The following RPSA2 variants were observed in gnomAD, a reference collection of about 807,000 sequenced individuals.
RPSA2 encodes small ribosomal subunit protein uS2B.
the RPSA2 span, chr19:23,827,043 G>T: frequency 1.5e-6 from 1 of 684,376 alleles, no homozygotes. Flanking sequence ...AAAGATATTT[G>T]CATTGCTTTT....
chr19:23,803,095 A>AT, the RPSA2 span, among the ~76,000 whole-genome samples: 4 of 149,860 alleles, frequency 2.7e-5, no homozygotes, highest in African/African-American at 9.7e-5. Flanking sequence ...CTGAGATTTA[A>AT]TTTTTTTTTT....
At chr19:23,833,081 T>C in the RPSA2 span, 1 of 1,298,614 alleles carries the variant, frequency 7.7e-7, no homozygotes, top group East Asian at 4.1e-5. Flanking sequence ...GGCAAATCTT[T>C]TAACCTGTCT....
the RPSA2 span, among the ~76,000 whole-genome samples, chr19:23,856,844 G>T: frequency 0.097 from 14,728 of 152,096 alleles, 987 homozygotes; most frequent in South Asian, 0.2. Flanking sequence ...ACAGGGAGTA[G>T]GTCACAAAGA....
At chr19:23,767,436 G>T in the RPSA2 span, among the ~76,000 whole-genome samples, 1 of 152,168 alleles carries the variant, frequency 6.6e-6, no homozygotes, top group East Asian at 1.9e-4. Flanking sequence ...TCAAATGTTC[G>T]CATTGATGAG....
chr19:23,822,823 C>G, the RPSA2 span, among the ~76,000 whole-genome samples: 1 of 152,162 alleles, frequency 6.6e-6, no homozygotes, highest in Non-Finnish European at 1.5e-5. Flanking sequence ...GGGTTTCTAT[C>G]TCCTCCGGTG....
chr19:23,761,994 T>C, the RPSA2 span, among the ~76,000 whole-genome samples: 2 of 148,018 alleles, frequency 1.4e-5, no homozygotes, highest in Non-Finnish European at 3.0e-5. Context: ...TTGGGCTCAC[T>C]GCAACCTCTG....
At chr19:23,774,939 C>G in the RPSA2 span, among the ~76,000 whole-genome samples, 2 of 152,170 alleles carry the variant, frequency 1.3e-5, no homozygotes, top group African/African-American at 4.8e-5. Flanking sequence ...TCCCTATCCA[C>G]AGGGGAGATT....
the RPSA2 span, among the ~76,000 whole-genome samples, chr19:23,761,908 C>A: frequency 1.4e-4 from 4 of 27,770 alleles, no homozygotes; most frequent in African/African-American, 4.1e-4. Context: ...GTAATTCTTT[C>A]TTTCTTTCTT....
At chr19:23,832,767 T>A in the RPSA2 span, 10 of 1,568,696 alleles carry the variant, frequency 6.4e-6, no homozygotes, top group Non-Finnish European at 8.7e-6. Context: ...CAATCCTTAC[T>A]CGACATAAGA....
chr19:23,871,158 A>G, the RPSA2 span, among the ~76,000 whole-genome samples: 14 of 152,144 alleles, frequency 9.2e-5, no homozygotes, highest in African/African-American at 3.1e-4. Flanking sequence ...CTTCTTCCAA[A>G]TAAACTTTTT....
the RPSA2 span, among the ~76,000 whole-genome samples, chr19:23,831,141 A>G: frequency 6.6e-6 from 1 of 151,992 alleles, no homozygotes; most frequent in Non-Finnish European, 1.5e-5. Context: ...TCAAACTCTC[A>G]TTTCAAAATA....
At chr19:23,833,076 A>C in the RPSA2 span, 16 of 1,311,700 alleles carry the variant, frequency 1.2e-5, no homozygotes, top group African/African-American at 2.3e-4. Context: ...AATGTGGCAA[A>C]TCTTTTAACC....
At chr19:23,761,930 T>TCCTTCCTTCCTTCCTTCC in the RPSA2 span, among the ~76,000 whole-genome samples, 7 of 127,440 alleles carry the variant, frequency 5.5e-5, no homozygotes, top group African/African-American at 1.2e-4. Context: ...CTTTTTTTTT[T>TCCTTCCTTCCTTCCTTCC]TTTTTGAGAT....
At chr19:23,791,253 G>A in the RPSA2 span, among the ~76,000 whole-genome samples, 1 of 152,132 alleles carries the variant, frequency 6.6e-6, no homozygotes, top group Admixed American at 6.5e-5. Context: ...CACCCATCTC[G>A]GCCCCGTAAG....
At chr19:23,818,666 T>C in the RPSA2 span, 1 of 152,314 alleles carries the variant, frequency 6.6e-6, no homozygotes, top group Non-Finnish European at 1.5e-5. Context: ...GGGTGCGGTA[T>C]CTCCATGATC....
chr19:23,805,064 C>A, the RPSA2 span, among the ~76,000 whole-genome samples: 2 of 21,946 alleles, frequency 9.1e-5, no homozygotes, highest in East Asian at 5.7e-3. Flanking sequence ...ATTACTGTAG[C>A]AGAAATTGCT....
the RPSA2 span, chr19:23,832,759 A>G: frequency 1.4e-5 from 22 of 1,567,134 alleles, no homozygotes; most frequent in East Asian, 2.4e-5. Context: ...CCAGTCATCA[A>G]TCCTTACTCG....
chr19:23,863,158 C>T, the RPSA2 span, among the ~76,000 whole-genome samples: 1 of 152,150 alleles, frequency 6.6e-6, no homozygotes, highest in African/African-American at 2.4e-5. Flanking sequence ...CACTTAACCC[C>T]TGGTTTATCT....
the RPSA2 span, among the ~76,000 whole-genome samples, chr19:23,859,458 G>A: frequency 1.2e-4 from 18 of 152,048 alleles, no homozygotes; most frequent in African/African-American, 2.9e-4. Flanking sequence ...GAGAAAGCCC[G>A]TCTCTACTAA....
Sources: allele counts gnomAD v4.1 joint callset (sites outside exome capture counted in the v4.1 genomes callset), GRCh38; gene constraint gnomAD v4.1.1; transcripts MANE v1.5; gene names NCBI Gene and HGNC (gene_info 2026-07-23, HGNC 2026-07-21).